Variants in STRA8 observed in about 807,000 individuals in gnomAD.
The protein encoded by STRA8 is stimulated by retinoic acid 8.
A neutral mutation model predicts 37.1 loss-of-function variants in STRA8; 18 were observed. That is an observed-to-expected ratio of 0.48 (90% CI 0.34 to 0.72). The LOEUF is 0.72. STRA8 is among the 30% of genes least tolerant of loss of function. STRA8 has a pLI of 0.01. For synonymous variants in STRA8, 168 were observed against 162.9 expected (o/e 1.03, Z -0.24); for missense variants, 357 against 410.4 (o/e 0.87, Z 1.13).
Position 135,246,156 on chromosome 7 carries a change from T to A in STRA8, c.594-261T>A, listed in dbSNP as rs750317053. On this transcript the variant is annotated intron_variant, in intron 5 of 8. Transcript: ENST00000662584. This position sits in a 1 kb window ranked among gnomAD's most constrained non-coding sequence, Gnocchi z 5.4. ...CAGCTACGCCTCTTATCTGCTTCTG[T>A]CTAACACAGAAGGCTTCATGGGGCA... 1.8e-6 allele frequency: 1 copy of A among 551,232 alleles called. No homozygotes were observed. Among genetic ancestry groups the A allele is most frequent in the Non-Finnish European group, 3.2e-6 (1 of 308,018 alleles). 34.1% of individuals were successfully genotyped at this position (551,232 alleles called of 1,614,324 possible).
chr7:135,253,580 G>A (rs894113850), intron 7 of STRA8, among the ~76,000 whole-genome samples: 2 of 152,196 alleles, frequency 1.3e-5, no homozygotes, highest in African/African-American at 4.8e-5. Flanking sequence ...GGATATGGAA[G>A]GAGGGGAGAA....
Position 135,258,641 on chromosome 7 carries a change from T to C in STRA8, c.*149T>C. On this transcript the variant is annotated 3_prime_UTR_variant, in exon 9 of 9. Transcript: ENST00000662584. ...GCATTTTGATGATTTTAGTTTCTGA[T>C]TATTATAAAGTATAAGAGAAGCACG... is the stretch of plus-strand genomic sequence containing the variant. 1.5e-6 allele frequency: 1 copy of C among 649,086 alleles called. No homozygotes were observed. Among genetic ancestry groups the C allele is most frequent in the South Asian group, 2.0e-5 (1 of 51,100 alleles). The allele number at this position is 649,086 out of a possible 1,614,324, so 40.2% of individuals were successfully genotyped here. A position where few individuals can be genotyped will look rare whatever the true frequency, so the allele number is the denominator to read the frequency against.
At chr7:135,239,950 AT>A (rs950913312) in intron 1 of STRA8, among the ~76,000 whole-genome samples, 3 of 151,222 alleles carry the variant, frequency 2.0e-5, no homozygotes, top group Non-Finnish European at 4.4e-5. Flanking sequence ...CCCTTGAGGG[AT>A]TTTTTTTTCA....
chr7:135,242,991 G>A, intron 3 of STRA8, 135 bp downstream of exon 3: 1 of 984,016 alleles, frequency 1.0e-6, no homozygotes, highest in South Asian at 1.5e-5. Flanking sequence ...CAGGAACTGT[G>A]CTTGGGCCAA....
At chr7:135,237,003 T>A (rs561738150) in intron 1 of STRA8, among the ~76,000 whole-genome samples, 1 of 152,156 alleles carries the variant, frequency 6.6e-6, no homozygotes, top group Non-Finnish European at 1.5e-5. Flanking sequence ...CAGAACATGA[T>A]TGAGTTAGAA....
chr7:135,254,976 A>G, intron 7 of STRA8, 138 bp from the exon 8 acceptor site: 1 of 700,356 alleles, frequency 1.4e-6, no homozygotes. Context: ...CAAACCTTTC[A>G]AGGAGAGGTC....
chr7:135,256,511 A>G (rs1309141906), intron 8 of STRA8, among the ~76,000 whole-genome samples: 1 of 152,226 alleles, frequency 6.6e-6, no homozygotes, highest in Non-Finnish European at 1.5e-5. Flanking sequence ...TATCCATACA[A>G]AGCAAAGGTA....
rs1832551086 is a variant in STRA8 at position 135,246,254 on chromosome 7, G to C, written c.594-163G>C. 2 of 950,290 alleles carry C rather than the reference G, an allele frequency of 2.1e-6. No individual in the cohort carries two copies. The highest frequency in any genetic ancestry group is 3.1e-6 in the Non-Finnish European group (2 of 638,564). 58.9% of individuals were successfully genotyped at this position (950,290 alleles called of 1,614,324 possible). On this transcript the variant is annotated intron_variant, in intron 5 of 8. Coordinates refer to ENST00000662584, the MANE Select transcript of STRA8 (RefSeq NM_001394401.1). The surrounding 1 kb of genome is among the most constrained non-coding windows in gnomAD (Gnocchi z 5.4). Reference sequence around the variant, plus strand: ...CTTCATGGCCCCCAGGAAGGCTGCTGCTCTCCAAGGGCCAGGGGCGTGCAG... The same window carrying C: ...CTTCATGGCCCCCAGGAAGGCTGCTCCTCTCCAAGGGCCAGGGGCGTGCAG...
intron 7 of STRA8, among the ~76,000 whole-genome samples, chr7:135,253,348 C>T (rs1832662343): frequency 6.6e-6 from 1 of 152,190 alleles, no homozygotes; most frequent in Non-Finnish European, 1.5e-5. Context: ...GGGGATTAGG[C>T]TTCAGCATAT....
chr7:135,242,911 G>A, intron 3 of STRA8, 55 bp downstream of exon 3: 2 of 1,567,884 alleles, frequency 1.3e-6, no homozygotes, highest in South Asian at 1.1e-5. Flanking sequence ...AACTGGATCT[G>A]TTTTTCTATT....
At chr7:135,254,978 G>A in intron 7 of STRA8, 136 bp from the exon 8 acceptor site, 1 of 705,092 alleles carries the variant, frequency 1.4e-6, no homozygotes. Flanking sequence ...AACCTTTCAA[G>A]GAGAGGTCTG....
At chr7:135,241,929 C>T (rs1832470374) in intron 2 of STRA8, among the ~76,000 whole-genome samples, 1 of 151,936 alleles carries the variant, frequency 6.6e-6, no homozygotes, top group African/African-American at 2.4e-5. Context: ...TTTAGCATTG[C>T]TCGTTTTTGA....
intron 8 of STRA8, 27 bp from the exon 9 acceptor site, chr7:135,258,391 G>A: frequency 6.3e-7 from 1 of 1,577,404 alleles, no homozygotes; most frequent in Non-Finnish European, 8.6e-7. Context: ...GATAAAAAGT[G>A]ACCCTCTTCC....
chr7:135,255,167 A>G lies in STRA8; in HGVS notation c.1007A>G (p.Tyr336Cys), dbSNP rs1431392043. Residue 336 changes from tyrosine to cysteine, a missense_variant, in exon 8 of 9, where the codon TAT (tyrosine) becomes TGT (cysteine). Physicochemically the swap from Tyr to Cys is radical, Grantham distance 194. Coordinates refer to ENST00000662584, the MANE Select transcript of STRA8 (RefSeq NM_001394401.1). ...PENPEEKFQL[Y>C]MQIINFFKGL... ...AACCCAGAGGAGAAGTTTCAGCTCTATATGCAGATCATCAACTTTTTTAAA... is the reference window on the plus strand; with the variant it reads ...AACCCAGAGGAGAAGTTTCAGCTCTGTATGCAGATCATCAACTTTTTTAAA... 3.1e-6 allele frequency: 5 copies of G among 1,613,978 alleles called. No homozygotes were observed. Among genetic ancestry groups the G allele is most frequent in the South Asian group, 2.2e-5 (2 of 91,088 alleles).
chr7:135,241,475 A>G (rs893899603), intron 2 of STRA8, among the ~76,000 whole-genome samples: 5 of 152,008 alleles, frequency 3.3e-5, no homozygotes, highest in African/African-American at 7.2e-5. Context: ...TCCCCCCTCC[A>G]TGCCCACCCC....
At chr7:135,236,601 C>G (rs987042975) in intron 1 of STRA8, among the ~76,000 whole-genome samples, 3 of 152,110 alleles carry the variant, frequency 2.0e-5, no homozygotes, top group Admixed American at 2.0e-4. Context: ...GCTTCTTCAC[C>G]CTATATAATC....
chr7:135,240,685 T>C lies in STRA8; in HGVS notation c.161T>C (p.Val54Ala). 1 of 1,613,690 alleles carries C rather than the reference T, an allele frequency of 6.2e-7. No individual in the cohort carries two copies. Among genetic ancestry groups the C allele is most frequent in the South Asian group, 1.1e-5 (1 of 91,052 alleles). Residue 54 changes from valine (V) to alanine (A), a missense_variant, in exon 2 of 9, where the codon GTG (valine) becomes GCG (alanine). By Grantham distance (64) the Val-to-Ala change is moderately conservative. Transcript: ENST00000662584. ...AALFNNLRKT[V>A]YSQSDLIASK... is the part of the protein sequence containing the mutation. ...CTCTTCAACAACCTCAGGAAGACAG[T>C]GTACTCTCAGTCTGATCTCATAGCC...
chr7:135,244,798 A>G (rs1339142309), intron 4 of STRA8, among the ~76,000 whole-genome samples: 1 of 152,086 alleles, frequency 6.6e-6, no homozygotes, highest in Non-Finnish European at 1.5e-5. Flanking sequence ...GCTCCAATGT[A>G]TATTCCTTTT....
intron 1 of STRA8, among the ~76,000 whole-genome samples, chr7:135,234,137 G>A (rs1832335053): frequency 6.6e-6 from 1 of 151,404 alleles, no homozygotes; most frequent in Non-Finnish European, 1.5e-5. Context: ...ACGGAGTTTC[G>A]CTCTTGTCAC....
Sources: gnomAD v4.1 joint callset for allele counts (sites outside exome capture counted in the v4.1 genomes callset) on GRCh38, gnomAD v4.1.1 for gene constraint, Gnocchi (gnomAD v3.1) non-coding constraint, MANE v1.5 for transcripts, NCBI Gene and HGNC (gene_info 2026-07-23, HGNC 2026-07-21) for gene names.